The following FBXW11 variants were observed in gnomAD, a reference collection of about 807,000 sequenced individuals.
FBXW11 encodes the protein F-box and WD repeat domain containing 11.
FBXW11 carries 19 observed loss-of-function variants against 77.6 expected under a neutral mutation model. The observed-to-expected ratio is 0.24, with a 90% confidence interval of 0.17 to 0.36. FBXW11 has a LOEUF of 0.36. Ranked by LOEUF, FBXW11 falls within the 10% of genes least tolerant of loss-of-function variation. The pLI, the probability that FBXW11 is intolerant of heterozygous loss-of-function variation, is 1.00. For missense variants in FBXW11, 334 were observed against 704.2 expected (o/e 0.47, Z 5.95); for synonymous variants, 235 against 249.4 (o/e 0.94, Z 0.54).
chr5:171,933,635 T>C (rs996245997), intron 2 of FBXW11, among the ~76,000 whole-genome samples: 2 of 152,138 alleles, frequency 1.3e-5, no homozygotes, highest in African/African-American at 4.8e-5. Context: ...GGAAGTATTC[T>C]AGGATCCTGC....
chr5:171,972,968 A>G (rs1004779703), intron 1 of FBXW11, among the ~76,000 whole-genome samples: 11 of 152,260 alleles, frequency 7.2e-5, no homozygotes, highest in African/African-American at 2.7e-4. Context: ...TATCATAAAT[A>G]AACTGTGTAG....
intron 1 of FBXW11, among the ~76,000 whole-genome samples, chr5:171,994,338 A>T (rs1209499218): frequency 6.6e-6 from 1 of 152,172 alleles, no homozygotes; most frequent in Non-Finnish European, 1.5e-5. Flanking sequence ...GTAGGGGGGA[A>T]ATAATGGTAC....
At chr5:171,944,750 G>C (rs1762924671) in intron 2 of FBXW11, among the ~76,000 whole-genome samples, 1 of 151,986 alleles carries the variant, frequency 6.6e-6, no homozygotes. Flanking sequence ...AATACAGTCT[G>C]ATTTGAAGAC....
At chr5:171,874,835 C>T (rs924703740) in intron 9 of FBXW11, among the ~76,000 whole-genome samples, 10 of 150,610 alleles carry the variant, frequency 6.6e-5, no homozygotes, top group Non-Finnish European at 1.3e-4. Context: ...AGGTGGGAGC[C>T]TCAGGAGTCC....
At chr5:171,884,599 T>C (rs1034545103) in intron 7 of FBXW11, among the ~76,000 whole-genome samples, 8 of 152,192 alleles carry the variant, frequency 5.3e-5, no homozygotes, top group Admixed American at 1.3e-4. Flanking sequence ...AATGGTTATG[T>C]CCTTTCCTGG....
At chr5:171,889,384 T>C (rs1043434943) in intron 7 of FBXW11, among the ~76,000 whole-genome samples, 1 of 151,804 alleles carries the variant, frequency 6.6e-6, no homozygotes, top group Non-Finnish European at 1.5e-5. Flanking sequence ...AAAAATTAGC[T>C]GGGCATGGTG....
At chr5:171,950,812 G>C (rs889926802) in intron 2 of FBXW11, among the ~76,000 whole-genome samples, 1 of 152,076 alleles carries the variant, frequency 6.6e-6, no homozygotes, top group Non-Finnish European at 1.5e-5. Flanking sequence ...ACTTGAACCT[G>C]GGAGGCAGAG....
chr5:171,947,759 T>A (rs1200191090), intron 2 of FBXW11, among the ~76,000 whole-genome samples: 3 of 151,660 alleles, frequency 2.0e-5, no homozygotes, highest in Admixed American at 6.6e-5. Flanking sequence ...CTACAAAAAA[T>A]TTAAAAATTA....
intron 2 of FBXW11, among the ~76,000 whole-genome samples, chr5:171,922,361 C>T (rs1761645453): frequency 6.6e-6 from 1 of 152,164 alleles, no homozygotes; most frequent in Admixed American, 6.5e-5. Flanking sequence ...GCAAACCAAA[C>T]AGCTTTTCAT....
At chr5:171,956,870 G>A (rs1424496442) in intron 2 of FBXW11, among the ~76,000 whole-genome samples, 1 of 152,212 alleles carries the variant, frequency 6.6e-6, no homozygotes. Flanking sequence ...AAGCTACAAT[G>A]TTTTCTTCCT....
chr5:171,916,408 C>A (rs1761257454), intron 2 of FBXW11: 1 of 982,920 alleles, frequency 1.0e-6, no homozygotes, highest in Non-Finnish European at 1.2e-6. Context: ...TCAAGGTCCA[C>A]AATGAGGGAG....
At chr5:171,921,443 C>G (rs1761592736) in intron 2 of FBXW11, among the ~76,000 whole-genome samples, 1 of 152,156 alleles carries the variant, frequency 6.6e-6, no homozygotes, top group South Asian at 2.1e-4. Flanking sequence ...TAAGCCTGTT[C>G]TACTCAGAAA....
At chr5:171,921,307 A>C (rs1347820401) in intron 2 of FBXW11, among the ~76,000 whole-genome samples, 1 of 152,210 alleles carries the variant, frequency 6.6e-6, no homozygotes, top group African/African-American at 2.4e-5. Context: ...TCAATTGGAA[A>C]ACTCTCTACT....
chr5:171,913,179 T>C (rs1443592609), intron 3 of FBXW11, among the ~76,000 whole-genome samples: 1 of 152,206 alleles, frequency 6.6e-6, no homozygotes, highest in Non-Finnish European at 1.5e-5. Context: ...ACAGGTTAAA[T>C]ATAATGATAA....
chr5:171,927,426 A>G (rs1761953917), intron 2 of FBXW11, among the ~76,000 whole-genome samples: 1 of 152,234 alleles, frequency 6.6e-6, no homozygotes, highest in Non-Finnish European at 1.5e-5. Context: ...AAACCAAGGA[A>G]GAATCACAAT....
At chr5:171,867,807 A>C (rs1409243297) in intron 13 of FBXW11, 1 of 152,260 alleles carries the variant, frequency 6.6e-6, no homozygotes, top group Non-Finnish European at 1.5e-5. Context: ...TAATCACAAC[A>C]GTCTTTATAT....
intron 1 of FBXW11, among the ~76,000 whole-genome samples, chr5:171,965,685 T>A (rs896218951): frequency 1.1e-4 from 17 of 152,216 alleles, no homozygotes; most frequent in African/African-American, 3.9e-4. Context: ...GACCACCTAG[T>A]ACTCATATTA....
intron 2 of FBXW11, among the ~76,000 whole-genome samples, chr5:171,929,894 G>A (rs769767947): frequency 6.6e-6 from 1 of 151,938 alleles, no homozygotes; most frequent in Admixed American, 6.6e-5. Flanking sequence ...TAAAAGTGAT[G>A]GGATATTAGT....
chr5:171,873,884 G>T lies in FBXW11; in HGVS notation c.1222-894C>A, dbSNP rs1320946502. Among the ~76,000 whole-genome samples, 3 of 152,120 alleles carry T rather than the reference G, an allele frequency of 2.0e-5. No homozygotes were observed. The East Asian group carries it at 5.8e-4, about 29-fold the overall frequency. On this transcript the variant is annotated intron_variant, in intron 9 of 13. Coordinates refer to ENST00000517395, the MANE Select transcript of FBXW11 (RefSeq NM_001378974.1). The stretch of plus-strand genomic sequence containing the variant: ...TACCAGCTGCATTTGTAGCTGAATG[G>T]GATAGATAAATAGATCTCCACAAGT...
Sources: gnomAD v4.1 joint callset for allele counts (sites outside exome capture counted in the v4.1 genomes callset) on GRCh38, gnomAD v4.1.1 for gene constraint, MANE v1.5 for transcripts, NCBI Gene and HGNC (gene_info 2026-07-23, HGNC 2026-07-21) for gene names.